RGS20: variants seen among roughly 807,000 people sequenced by gnomAD.
RGS20 encodes gz-selective GTPase-activating protein.
A neutral mutation model predicts 33.6 loss-of-function variants in RGS20; 30 were observed. The observed-to-expected ratio is 0.89, with a 90% CI of 0.67 to 1.21. RGS20 has a LOEUF of 1.21. RGS20 is among the 50% of genes most tolerant of loss of function. RGS20 has a pLI of 0.00. For missense variants in RGS20, 472 were observed against 502.4 expected (o/e 0.94, Z 0.58); for synonymous variants, 208 against 197.9 (o/e 1.05, Z -0.43).
rs1400577298 is a variant in RGS20, at chr8:53,939,583, G to T, written c.518G>T (p.Gly173Val). ...TTCCTCTCCCTCTTGCAGCAGATGGGATCAGAGCGGATGGAGATGCGGAAG... is the reference window on the plus strand; with the variant it reads ...TTCCTCTCCCTCTTGCAGCAGATGGTATCAGAGCGGATGGAGATGCGGAAG... Residue 173 changes from glycine (G) to valine (V), a missense_variant, in exon 3 of 6, where the codon GGA (glycine) becomes GTA (valine). Gly to Val is a moderately radical substitution (Grantham distance 109). This residue lies in a region of RGS20 where 319 missense variants were observed against 283.4 expected (regional missense o/e 1.13). Transcript: ENST00000297313. 5.0e-6 allele frequency: 8 copies of T among 1,587,764 alleles called. No homozygotes were observed. The highest frequency in any genetic ancestry group is 1.3e-5 in the African/African-American group (1 of 74,236).
intron 4 of RGS20, among the ~76,000 whole-genome samples, chr8:53,950,825 G>C (rs1441869631): frequency 1.3e-5 from 2 of 152,022 alleles, no homozygotes; most frequent in Non-Finnish European, 2.9e-5. Flanking sequence ...ATGTTGCCCA[G>C]GTTGGTCTCA....
At chr8:53,872,714 G>C (rs1284578936) in intron 1 of RGS20, among the ~76,000 whole-genome samples, 6 of 152,192 alleles carry the variant, frequency 3.9e-5, no homozygotes, top group Non-Finnish European at 8.8e-5. Context: ...GGCAGCAGCA[G>C]AAATCAAGTG....
At chr8:53,864,083 A>T (rs550763278) in intron 1 of RGS20, among the ~76,000 whole-genome samples, 1 of 152,304 alleles carries the variant, frequency 6.6e-6, no homozygotes, top group Non-Finnish European at 1.5e-5. Context: ...TGAAAAAATC[A>T]AATGAGACAA....
At chr8:53,907,914 TACGGTCACCCTG>T (rs1276136199) in intron 2 of RGS20, among the ~76,000 whole-genome samples, 1 of 152,136 alleles carries the variant, frequency 6.6e-6, no homozygotes, top group African/African-American at 2.4e-5. Flanking sequence ...AGGTAGGAGG[TACGGTCACCCTG>T]ACCCTGAAAT....
intron 2 of RGS20, among the ~76,000 whole-genome samples, chr8:53,918,800 C>A (rs548639453): frequency 2.0e-5 from 3 of 152,138 alleles, no homozygotes; most frequent in Non-Finnish European, 4.4e-5. Context: ...TTTTGTTTAT[C>A]CATCAGTTGA....
intron 1 of RGS20, among the ~76,000 whole-genome samples, chr8:53,872,621 T>A (rs555004199): frequency 6.6e-6 from 1 of 152,184 alleles, no homozygotes; most frequent in East Asian, 1.9e-4. Flanking sequence ...CTCTTTCTAC[T>A]CCCCCATGTC....
chr8:53,923,731 C>A (rs368798060), intron 2 of RGS20, among the ~76,000 whole-genome samples: 1 of 152,184 alleles, frequency 6.6e-6, no homozygotes, highest in Non-Finnish European at 1.5e-5. Context: ...TGATGCGCTG[C>A]GTCTTTTTAT....
chr8:53,885,511 G>A (rs1441437557), intron 2 of RGS20, among the ~76,000 whole-genome samples: 2 of 152,164 alleles, frequency 1.3e-5, no homozygotes, highest in Admixed American at 1.3e-4. Flanking sequence ...CTACTCGGGA[G>A]GCTGAAGCAG....
At chr8:53,950,267 CTAAA>C (rs1460938807) in intron 4 of RGS20, among the ~76,000 whole-genome samples, 3 of 152,068 alleles carry the variant, frequency 2.0e-5, no homozygotes, top group Non-Finnish European at 2.9e-5. Flanking sequence ...TTAGATACAA[CTAAA>C]TAAATAATTA....
At chr8:53,864,694 A>G (rs193288770) in intron 1 of RGS20, among the ~76,000 whole-genome samples, 1 of 152,170 alleles carries the variant, frequency 6.6e-6, no homozygotes, top group East Asian at 1.9e-4. Context: ...GAAATGCATT[A>G]TTTCCCTAAT....
rs573287362 is a variant in RGS20 at position 53,865,364 on chromosome 8, G to A, written c.165+13300G>A. ...TGCAGCCTCTATCCCACAGTTTCTC[G>A]CCTCTGTAATTGAGAAAGAGATGAG... On this transcript the variant is annotated intron_variant, in intron 1 of 5. Transcript: ENST00000297313. Among the ~76,000 whole-genome samples the A allele has an allele frequency of 1.3e-4, 20 of 152,186 alleles. No homozygotes were observed. In the South Asian group the frequency reaches 1.5e-3, roughly 11 times the overall value.
chr8:53,947,430 T>TAA (rs1272130530), intron 4 of RGS20, among the ~76,000 whole-genome samples: 23 of 136,756 alleles, frequency 1.7e-4, no homozygotes, highest in African/African-American at 4.3e-4. Flanking sequence ...ATGCTATATA[T>TAA]GATATAGTAT....
intron 2 of RGS20, among the ~76,000 whole-genome samples, chr8:53,930,700 C>T (rs1182299843): frequency 6.6e-6 from 1 of 152,110 alleles, no homozygotes; most frequent in Non-Finnish European, 1.5e-5. Context: ...TGTGTGCCAC[C>T]ACACTCAGCT....
intron 2 of RGS20, among the ~76,000 whole-genome samples, chr8:53,892,649 C>T (rs1419259556): frequency 1.3e-5 from 2 of 152,152 alleles, no homozygotes; most frequent in South Asian, 2.1e-4. Flanking sequence ...ATGTGTATAG[C>T]AGTGATAAGA....
chr8:53,915,591 G>A (rs565326195), intron 2 of RGS20, among the ~76,000 whole-genome samples: 3 of 152,210 alleles, frequency 2.0e-5, no homozygotes, highest in Admixed American at 6.5e-5. Flanking sequence ...CATGCAGCTG[G>A]GTCGCTTCCC....
At chr8:53,914,325 T>A (rs1813426400) in intron 2 of RGS20, among the ~76,000 whole-genome samples, 1 of 152,180 alleles carries the variant, frequency 6.6e-6, no homozygotes, top group African/African-American at 2.4e-5. Context: ...CTTAGTTCTT[T>A]GATGCCAATC....
At chr8:53,943,484 G>T (rs761884307) in intron 3 of RGS20, among the ~76,000 whole-genome samples, 1 of 151,906 alleles carries the variant, frequency 6.6e-6, no homozygotes, top group Non-Finnish European at 1.5e-5. Flanking sequence ...AATATATCTG[G>T]CCATGGGTCT....
At chr8:53,864,748 G>T (rs1319734636) in intron 1 of RGS20, among the ~76,000 whole-genome samples, 16 of 152,110 alleles carry the variant, frequency 1.1e-4, no homozygotes, top group Non-Finnish European at 4.4e-5. Flanking sequence ...TCTGATTAAG[G>T]TCAGAGATCA....
At chr8:53,919,547 T>C (rs542007100) in intron 2 of RGS20, among the ~76,000 whole-genome samples, 3 of 152,190 alleles carry the variant, frequency 2.0e-5, no homozygotes, top group South Asian at 2.1e-4. Flanking sequence ...GGTTTCACCA[T>C]GTTGATCATG....
Sources: allele counts gnomAD v4.1 joint callset (sites outside exome capture counted in the v4.1 genomes callset), GRCh38; gene constraint gnomAD v4.1.1; regional missense constraint gnomAD v4.1.1; transcripts MANE v1.5; gene names NCBI Gene and HGNC (gene_info 2026-07-23, HGNC 2026-07-21).